The following BRDT variants were observed in gnomAD, a reference collection of about 807,000 sequenced individuals.
BRDT encodes the protein bromodomain testis associated.
BRDT carries 77 observed loss-of-function variants against 113.9 expected under a neutral mutation model. That is an observed-to-expected ratio of 0.68 (90% confidence interval 0.56 to 0.82). The LOEUF (loss-of-function observed/expected upper bound fraction) is 0.82. Ranked by LOEUF, BRDT falls within the 40% of genes least tolerant of loss-of-function variation. BRDT has a pLI of 0.00. For synonymous variants in BRDT, 358 were observed against 366.5 expected, an observed-to-expected ratio of 0.98 and a Z score of 0.26; for missense variants, 1,027 against 1,105.4, an observed-to-expected ratio of 0.93 and a Z score of 1.01.
chr1:91,979,866 G>T, intron 8 of BRDT, 109 bp downstream of exon 8: 3 of 987,304 alleles, frequency 3.0e-6, no homozygotes, highest in East Asian at 2.8e-5. Context: ...TCATAACTGT[G>T]GCTTTATTTA....
chr1:92,004,596 A>G lies in BRDT; in HGVS notation c.2571A>G (p.Leu857=), dbSNP rs542880950. Residue 857 remains leucine, a synonymous_variant, in exon 17 of 19, where the codon CTA becomes CTG. Coordinates refer to ENST00000399546, the MANE Select transcript of BRDT (RefSeq NM_207189.4). ...RKHLEQNTKE[L]KASQENQRDL... is the part of the protein sequence containing the mutation. ...ATTTGGAACAAAATACAAAGGAACT[A>G]AAAGCATCTCAAGAAAATCAGAGGT... is the stretch of plus-strand genomic sequence containing the variant. The G allele has an allele frequency of 2.5e-6, 4 of 1,607,566 alleles. No individual in the cohort carries two copies. In the African/African-American group the frequency reaches 5.4e-5, roughly 22 times the overall value.
At chr1:91,983,116 A>G (rs532648137) in intron 12 of BRDT, among the ~76,000 whole-genome samples, 9 of 152,296 alleles carry the variant, frequency 5.9e-5, no homozygotes, top group African/African-American at 1.9e-4. Flanking sequence ...TAATTTTAAT[A>G]TGAATTATCA....
At chr1:91,976,157 ATGC>A in intron 4 of BRDT, 106 bp from the exon 5 acceptor site, 1 of 1,108,894 alleles carries the variant, frequency 9.0e-7, no homozygotes, top group Non-Finnish European at 1.2e-6. Flanking sequence ...TAAGTATCCT[ATGC>A]TTATATTGCT....
chr1:92,006,763 A>G (rs908657997), intron 18 of BRDT, among the ~76,000 whole-genome samples: 1 of 151,368 alleles, frequency 6.6e-6, no homozygotes, highest in African/African-American at 2.4e-5. Context: ...CACCATGCCC[A>G]GCCTGTTTTT....
At chr1:91,994,339 A>G in intron 15 of BRDT, 85 bp downstream of exon 15, 1 of 1,117,776 alleles carries the variant, frequency 8.9e-7, no homozygotes, top group Non-Finnish European at 1.3e-6. Context: ...GTCATCTTAA[A>G]TGTTAAATAT....
At chr1:91,997,433 A>G (rs1686448073) in intron 15 of BRDT, among the ~76,000 whole-genome samples, 2 of 152,224 alleles carry the variant, frequency 1.3e-5, no homozygotes, top group South Asian at 4.1e-4. Flanking sequence ...AATTGGAGGG[A>G]TTTGAACATT....
chr1:91,998,487 A>T (rs1205320871), intron 15 of BRDT, among the ~76,000 whole-genome samples: 1 of 152,212 alleles, frequency 6.6e-6, no homozygotes, highest in East Asian at 1.9e-4. Flanking sequence ...CCAGAACTTA[A>T]AGTATAATAA....
At chr1:92,013,068 AT>A (rs1206926395) in intron 18 of BRDT, among the ~76,000 whole-genome samples, 1 of 151,658 alleles carries the variant, frequency 6.6e-6, no homozygotes, top group Non-Finnish European at 1.5e-5. Flanking sequence ...AAATGCAAAA[AT>A]TACCTGGGCA....
intron 1 of BRDT, among the ~76,000 whole-genome samples, chr1:91,958,234 TA>T (rs1297267706): frequency 1.5e-4 from 22 of 147,314 alleles, no homozygotes; most frequent in African/African-American, 5.0e-4. Context: ...TTTTTTTTTT[TA>T]AAAGGAGTCT....
At chr1:91,967,315 C>T (rs1392403228) in intron 3 of BRDT, among the ~76,000 whole-genome samples, 1 of 151,818 alleles carries the variant, frequency 6.6e-6, no homozygotes, top group African/African-American at 2.4e-5. Flanking sequence ...CAGCTCACCA[C>T]AACCTCCACC....
chr1:91,965,625 G>A (rs971384269), intron 3 of BRDT, among the ~76,000 whole-genome samples: 2 of 152,112 alleles, frequency 1.3e-5, no homozygotes, highest in African/African-American at 2.4e-5. Context: ...TGAGGCGGGA[G>A]GATCATGAGG....
intron 4 of BRDT, 68 bp from the exon 5 acceptor site, chr1:91,976,198 A>G: frequency 7.1e-7 from 1 of 1,413,282 alleles, no homozygotes; most frequent in Non-Finnish European, 9.4e-7. Context: ...GAAATAGAAA[A>G]TAAGACAGAA....
intron 15 of BRDT, among the ~76,000 whole-genome samples, chr1:91,994,867 CAAAAAAAAAAAAAAA>C (rs11330809): frequency 4.6e-5 from 3 of 65,472 alleles, no homozygotes; most frequent in African/African-American, 1.3e-4. Context: ...GACTCCGTCT[CAAAAAAAAAAAAAAA>C]AAAAAAAAAA....
chr1:91,997,921 CA>C (rs1686487683), intron 15 of BRDT, among the ~76,000 whole-genome samples: 2 of 152,044 alleles, frequency 1.3e-5, no homozygotes, highest in Non-Finnish European at 1.5e-5. Context: ...TTAAACCTTA[CA>C]ATTAAATGAT....
chr1:91,956,046 C>G lies in BRDT; in HGVS notation c.-38+6364C>G, dbSNP rs1017923963. Among the ~76,000 whole-genome samples, 8 of 152,120 alleles carry G rather than the reference C, an allele frequency of 5.3e-5. 1 individual carries two copies. Among genetic ancestry groups the G allele is most frequent in the African/African-American group, 1.9e-4 (8 of 41,418 alleles). On this transcript the variant is annotated intron_variant, in intron 1 of 18. Transcript: ENST00000399546. ...ATATTTGCTTTTCTATATAGCCTTC[C>G]CACAGGCCTTTTAAAGATATATTAC...
At chr1:92,010,873 A>G (rs1295312872) in intron 18 of BRDT, among the ~76,000 whole-genome samples, 1 of 152,014 alleles carries the variant, frequency 6.6e-6, no homozygotes, top group East Asian at 1.9e-4. Context: ...TTGATTGGTT[A>G]GTCTCTTCTT....
chr1:92,005,398 C>T, intron 18 of BRDT, 99 bp downstream of exon 18: 2 of 1,129,812 alleles, frequency 1.8e-6, no homozygotes, highest in South Asian at 5.1e-5. Context: ...GGTAATTTTT[C>T]AGTGACAGTG....
At chr1:92,009,742 TA>T (rs1195428041) in intron 18 of BRDT, among the ~76,000 whole-genome samples, 29 of 151,776 alleles carry the variant, frequency 1.9e-4, no homozygotes, top group African/African-American at 7.0e-4. Context: ...TTTATTTATT[TA>T]TTTTTTTTGT....
chr1:91,964,717 A>G lies in BRDT; in HGVS notation c.283A>G (p.Ile95Val), dbSNP rs1395225287. 8 of 1,519,444 alleles carry G rather than the reference A, an allele frequency of 5.3e-6. No individual in the cohort carries two copies. In the African/African-American group the frequency reaches 6.8e-5, roughly 13 times the overall value. 94.1% of individuals were successfully genotyped at this position (1,519,444 alleles called of 1,614,324 possible). The change falls in exon 3 of 19, where the codon ATA becomes GTA. Residue 95 changes from isoleucine to valine, a missense_variant. Transcript: ENST00000399546. ...NKYYAKASEC[I>V]EDFNTMFSNC... ...ATATTATGCGAAGGCTTCAGAATGT[A>G]TAGAAGACTTCAATACAATGTTCTC...
Sources: allele counts gnomAD v4.1 joint callset (sites outside exome capture counted in the v4.1 genomes callset), GRCh38; gene constraint gnomAD v4.1.1; transcripts MANE v1.5; gene names NCBI Gene and HGNC (gene_info 2026-07-23, HGNC 2026-07-21).